The following CD93 variants were observed in gnomAD, a reference collection of about 807,000 sequenced individuals.
CD93 encodes CD93 molecule.
In CD93, 44 loss-of-function variants were observed where a neutral mutation model predicts 45.5. That is an observed-to-expected ratio of 0.97 (90% CI 0.76 to 1.24). The LOEUF (loss-of-function observed/expected upper bound fraction) is 1.24, where lower values mean the gene tolerates loss of function less well. CD93 is among the 50% of genes most tolerant of loss of function. The pLI, the probability that CD93 is intolerant of heterozygous loss-of-function variation, is 0.00. For synonymous variants in CD93, 431 were observed against 370.8 expected, an observed-to-expected ratio of 1.16 and a Z score of -1.87; for missense variants, 918 against 844.5, an observed-to-expected ratio of 1.09 and a Z score of -1.08.
rs768359147 is a variant in CD93 at position 23,082,533 on chromosome 20, C to CTGTGTGTG, written c.*1416_*1417insCACACACA. On this transcript the variant is annotated 3_prime_UTR_variant, in exon 2 of 2. Transcript: ENST00000246006. ...TGCCCCAGGCAGAATGGTGCCGTGT[C>CTGTGTGTG]TCTGTGTGTGTGTGTGTGTGTGTGT... 8 of 145,872 alleles carry CTGTGTGTG rather than the reference C, an allele frequency of 5.5e-5. No homozygotes were observed. The highest frequency in any genetic ancestry group is 1.0e-4 in the African/African-American group (4 of 38,530). 9.0% of individuals were successfully genotyped at this position (145,872 alleles called of 1,614,324 possible).
intron 1 of CD93, 105 bp from the exon 2 acceptor site, chr20:23,084,079 G>T: frequency 6.8e-7 from 1 of 1,481,008 alleles, no homozygotes. Context: ...CAGATGGGCA[G>T]TATGCTCTAA....
chr20:23,084,453 CT>C lies in CD93; in HGVS notation c.1739del (p.Lys580SerfsTer8). The C allele has an allele frequency of 6.2e-7, 1 of 1,614,218 alleles. No individual in the cohort carries two copies. The highest frequency in any genetic ancestry group is 8.5e-7 in the Non-Finnish European group (1 of 1,180,050). ...TQNNDGTDGQ[K>X]LLLFYILGTV... ...TGCCTAGGATGTAGAATAAAAGCAG[CT>C]TTTGCCCGTCAGTGCCATCGTTGTT... On this transcript the variant is annotated frameshift_variant, in exon 1 of 2. Transcript: ENST00000246006. LOFTEE classifies it high-confidence loss of function.
chr20:23,086,118 G>A lies in CD93; in HGVS notation c.75C>T (p.Asp25=). The change falls in exon 1 of 2, where the codon GAC becomes GAT. Residue 25 remains aspartate (D), a synonymous_variant. Transcript: ENST00000246006. ...TCCCCACGCAGACCACCGCCTCCGT[G>A]TCAGCTCCCGTCCCCGCCCCGGGCT... is the stretch of plus-strand genomic sequence containing the variant. ...LTQPGAGTGA[D]TEAVVCVGTA... is the part of the protein sequence containing the mutation. 6.3e-7 allele frequency: 1 copy of A among 1,587,544 alleles called. No homozygotes were observed.
Position 23,085,701 on chromosome 20 carries a change from G to A in CD93, c.492C>T (p.Pro164=). The A allele has an allele frequency of 1.9e-6, 3 of 1,611,126 alleles. No individual in the cohort carries two copies. Among genetic ancestry groups the A allele is most frequent in the Non-Finnish European group, 2.5e-6 (3 of 1,179,642 alleles). ...PSRLPKWSEG[P]CGSPGSPGSN... ...TTCCGGGGGAGCCTGGGCTCCCACA[G>A]GGGCCCTCAGACCACTTGGGGAGGC... Residue 164 remains proline (P), a synonymous_variant, in exon 1 of 2, where the codon CCC becomes CCT. Transcript: ENST00000246006.
rs1985355591 is a variant in CD93, at chr20:23,082,595, GCACACTATCGAC to G, written c.*1343_*1354del. ...AGAGAGAGAGAGAGAGAGAAAGAGTGCACACTATCGACTACATTATCATAGGGAGAAATATTT... is the reference window on the plus strand; with the variant it reads ...AGAGAGAGAGAGAGAGAGAAAGAGTGTACATTATCATAGGGAGAAATATTT... On this transcript the variant is annotated 3_prime_UTR_variant, in exon 2 of 2. Coordinates refer to ENST00000246006, the MANE Select transcript of CD93 (RefSeq NM_012072.4). 1 of 151,746 alleles carries G rather than the reference GCACACTATCGAC, an allele frequency of 6.6e-6. No homozygotes were observed. The highest frequency in any genetic ancestry group is 2.1e-4 in the South Asian group (1 of 4,814). The allele number at this position is 151,746 out of a possible 1,614,324, so 9.4% of individuals were successfully genotyped here.
In CD93 at chr20:23,085,429, G is replaced by A. The variant is rs764391041; in HGVS notation, c.764C>T (p.Pro255Leu). Reference sequence around the variant, plus strand: ...GCCATACTTGGGGCTGACACAGAGGGGGCCCGAGCTGCCCCAGTCGAACAC... The same window carrying A: ...GCCATACTTGGGGCTGACACAGAGGAGGCCCGAGCTGCCCCAGTCGAACAC... Reference protein sequence around the residue: ...PDVFDWGSSGPLCVSPKYGCN... With the variant: ...PDVFDWGSSGLLCVSPKYGCN... The change falls in exon 1 of 2, where the codon CCC becomes CTC. Residue 255 changes from proline to leucine, a missense_variant. Coordinates refer to ENST00000246006, the MANE Select transcript of CD93 (RefSeq NM_012072.4). 1 of 1,613,892 alleles carries A rather than the reference G, an allele frequency of 6.2e-7. No homozygotes were observed. The highest frequency in any genetic ancestry group is 1.7e-5 in the Admixed American group (1 of 60,030).
At position 23,085,807 on chromosome 20, in the gene CD93, T is replaced by C; in HGVS notation, c.386A>G (p.His129Arg). The C allele has an allele frequency of 1.2e-6, 2 of 1,611,524 alleles. No individual in the cohort carries two copies. The highest frequency in any genetic ancestry group is 1.1e-5 in the South Asian group (1 of 90,760). Reference sequence around the variant, plus strand: ...GATGCACGAGTTCCGGAGCTCCTTGTGCCAGTTAGAGTAAGGCGTGTCCTC... The same window carrying C: ...GATGCACGAGTTCCGGAGCTCCTTGCGCCAGTTAGAGTAAGGCGTGTCCTC... ...GGEDTPYSNWHKELRNSCISK... is the reference protein window; with the variant it reads ...GGEDTPYSNWRKELRNSCISK... Residue 129 changes from histidine to arginine, a missense_variant, in exon 1 of 2, where the codon CAC becomes CGC. By Grantham distance (29) the His-to-Arg change is conservative. Transcript: ENST00000246006.
Position 23,084,299 on chromosome 20 carries a change from GAA to G in CD93, c.1892_1893del (p.Val631AlafsTer5). ...PQNAADSYSW[V>X]PERAESRAME... is the part of the protein sequence containing the mutation. The stretch of plus-strand genomic sequence containing the variant: ...ATGGCCCTGCTCTCAGCTCGCTCTG[GAA>G]CCCAGGAGTAACTGTCTGCCGCATT... On this transcript the variant is annotated frameshift_variant, in exon 1 of 2. Coordinates refer to ENST00000246006, the MANE Select transcript of CD93 (RefSeq NM_012072.4). LOFTEE classifies it high-confidence loss of function. 6.2e-7 allele frequency: 1 copy of G among 1,614,116 alleles called. No homozygotes were observed. The highest frequency in any genetic ancestry group is 8.5e-7 in the Non-Finnish European group (1 of 1,180,034).
chr20:23,084,116 G>C (rs571236134), intron 1 of CD93, 142 bp from the exon 2 acceptor site: 3 of 1,400,756 alleles, frequency 2.1e-6, no homozygotes, highest in Non-Finnish European at 3.0e-6. Flanking sequence ...GGCGTGGGGG[G>C]AGGTTGAGGG....
At position 23,082,277 on chromosome 20, in the gene CD93, T is replaced by A. The variant is rs1985342421; in HGVS notation, c.*1673A>T. ...GCAAGAGTATTAACCCTGCACCTTG[T>A]GGCCCTTCAACCACTCCAGAGTGTC... On this transcript the variant is annotated 3_prime_UTR_variant, in exon 2 of 2. Transcript: ENST00000246006. The A allele has an allele frequency of 6.6e-6, 1 of 152,262 alleles. No individual in the cohort carries two copies. Among genetic ancestry groups the A allele is most frequent in the Admixed American group, 6.5e-5 (1 of 15,278 alleles). 9.4% of individuals were successfully genotyped at this position (152,262 alleles called of 1,614,324 possible). A position where few individuals can be genotyped will look rare whatever the true frequency, so the allele number is the denominator to read the frequency against.
rs1022515634 is a variant in CD93, at chr20:23,082,605, G to T, written c.*1345C>A. The T allele has an allele frequency of 4.0e-5, 6 of 151,710 alleles. No individual in the cohort carries two copies. The highest frequency in any genetic ancestry group is 1.5e-4 in the African/African-American group (6 of 41,190). The allele number at this position is 151,710 out of a possible 1,614,324, so 9.4% of individuals were successfully genotyped here. On this transcript the variant is annotated 3_prime_UTR_variant, in exon 2 of 2. Transcript: ENST00000246006. The stretch of plus-strand genomic sequence containing the variant: ...AGAGAGAGAAAGAGTGCACACTATC[G>T]ACTACATTATCATAGGGAGAAATAT...
rs190304833 is a variant in CD93, at chr20:23,079,479, G to A, written c.*4471C>T. 4.8e-4 allele frequency: 73 copies of A among 152,332 alleles called. No homozygotes were observed. Among genetic ancestry groups the A allele is most frequent in the Non-Finnish European group, 8.1e-4 (55 of 68,032 alleles). The allele number at this position is 152,332 out of a possible 1,614,324, so 9.4% of individuals were successfully genotyped here. A position where few individuals can be genotyped will look rare whatever the true frequency, so the allele number is the denominator to read the frequency against. ...TTGTTAGAACTCAGAGGAGAAGCTC[G>A]ATCTCTGAGCCTTCCCTCCTCACAG... On this transcript the variant is annotated 3_prime_UTR_variant, in exon 2 of 2. Transcript: ENST00000246006.
Position 23,084,832 on chromosome 20 carries a change from C to A in CD93, c.1361G>T (p.Cys454Phe), listed in dbSNP as rs1600423029. ...FNTQGSFHCG[C>F]LPGWVLAPNG... ...TGGGGCCAGCACCCAGCCTGGCAGG[C>A]AGCCACAGTGGAAGGACCCTTGTGT... Residue 454 changes from cysteine to phenylalanine, a missense_variant, in exon 1 of 2, where the codon TGC becomes TTC. By Grantham distance (205) the Cys-to-Phe change is radical. Transcript: ENST00000246006. 3.7e-6 allele frequency: 6 copies of A among 1,613,392 alleles called. No individual in the cohort carries two copies. The highest frequency in any genetic ancestry group is 5.1e-6 in the Non-Finnish European group (6 of 1,179,992).
chr20:23,083,550 C>T lies in CD93; in HGVS notation c.*400G>A, dbSNP rs988038821. On this transcript the variant is annotated 3_prime_UTR_variant, in exon 2 of 2. Coordinates refer to ENST00000246006, the MANE Select transcript of CD93 (RefSeq NM_012072.4). ...TTTCATCCTAGGAAGAGAAACAAAT[C>T]ATTTCAATCCTAATCAGCATGAGCA... 2.1e-5 allele frequency: 4 copies of T among 192,520 alleles called. No homozygotes were observed. Among genetic ancestry groups the T allele is most frequent in the African/African-American group, 7.0e-5 (3 of 43,084 alleles). The allele number at this position is 192,520 out of a possible 1,614,324, so 11.9% of individuals were successfully genotyped here.
In CD93 at chr20:23,084,294, C is replaced by T. The variant is rs41480746; in HGVS notation, c.1899G>A (p.Glu633=). 2.0e-3 allele frequency: 3,222 copies of T among 1,614,138 alleles called. 64 individuals are homozygous for T. The African/African-American group carries it at 0.038, about 19-fold the overall frequency. The change falls in exon 1 of 2, where the codon GAG becomes GAA. Residue 633 remains glutamate (E), a synonymous_variant. Coordinates refer to ENST00000246006, the MANE Select transcript of CD93 (RefSeq NM_012072.4). ...NAADSYSWVP[E]RAESRAMENQ... ...TCTCCATGGCCCTGCTCTCAGCTCG[C>T]TCTGGAACCCAGGAGTAACTGTCTG...
chr20:23,086,134 G>A lies in CD93; in HGVS notation c.59C>T (p.Ala20Val). 5.1e-6 allele frequency: 8 copies of A among 1,580,324 alleles called. No individual in the cohort carries two copies. Among genetic ancestry groups the A allele is most frequent in the Non-Finnish European group, 6.8e-6 (8 of 1,170,588 alleles). Residue 20 changes from alanine to valine, a missense_variant, in exon 1 of 2, where the codon GCG becomes GTG. Physicochemically the swap from Ala to Val is moderately conservative, Grantham distance 64 (BLOSUM62 0). Coordinates refer to ENST00000246006, the MANE Select transcript of CD93 (RefSeq NM_012072.4). Reference protein sequence around the residue: ...LLLLLLTQPGAGTGADTEAVV... With the variant: ...LLLLLLTQPGVGTGADTEAVV... ...CGCCTCCGTGTCAGCTCCCGTCCCCGCCCCGGGCTGGGTCAGGAGCAGCAG... is the reference window on the plus strand; with the variant it reads ...CGCCTCCGTGTCAGCTCCCGTCCCCACCCCGGGCTGGGTCAGGAGCAGCAG...
chr20:23,084,909 C>G lies in CD93; in HGVS notation c.1284G>C (p.Val428=), dbSNP rs982000160. The G allele has an allele frequency of 6.2e-7, 1 of 1,613,172 alleles. No homozygotes were observed. Among genetic ancestry groups the G allele is most frequent in the Non-Finnish European group, 8.5e-7 (1 of 1,179,890 alleles). ...AGEDGTQCQD[V]DECVGPGGPL... is the part of the protein sequence containing the mutation. ...GGCCCCCCGGGCCCACACACTCATC[C>G]ACGTCCTGGCACTGAGTCCCGTCCT... The change falls in exon 1 of 2, where the codon GTG becomes GTC. Residue 428 remains valine, a synonymous_variant. Coordinates refer to ENST00000246006, the MANE Select transcript of CD93 (RefSeq NM_012072.4).
At position 23,086,314 on chromosome 20, in the gene CD93, GAGA is replaced by G; in HGVS notation, c.-125_-123del. On this transcript the variant is annotated 5_prime_UTR_variant, in exon 1 of 2. Coordinates refer to ENST00000246006, the MANE Select transcript of CD93 (RefSeq NM_012072.4). ...GGTGAGCTGCAGCCACTCCGGCGCA[GAGA>G]AGGACACAAAGGCTGAGGGCTTTCC... The G allele has an allele frequency of 8.0e-7, 1 of 1,255,918 alleles. No individual in the cohort carries two copies. The highest frequency in any genetic ancestry group is 1.6e-5 in the South Asian group (1 of 63,722). 77.8% of individuals were successfully genotyped at this position (1,255,918 alleles called of 1,614,324 possible).
Position 23,081,501 on chromosome 20 carries a change from T to A in CD93, c.*2449A>T, listed in dbSNP as rs1164902009. The A allele has an allele frequency of 6.6e-6, 1 of 152,216 alleles. No individual in the cohort carries two copies. Among genetic ancestry groups the A allele is most frequent in the Non-Finnish European group, 1.5e-5 (1 of 68,054 alleles). 9.4% of individuals were successfully genotyped at this position (152,216 alleles called of 1,614,324 possible). ...ACGTGTTTGAGCCCAGTGGTTTCCA[T>A]CAGATGCACAACCTGAGCTGTCTGG... On this transcript the variant is annotated 3_prime_UTR_variant, in exon 2 of 2. Transcript: ENST00000246006.
Sources: allele counts gnomAD v4.1 joint callset, GRCh38; gene constraint gnomAD v4.1.1; transcripts MANE v1.5; gene names NCBI Gene and HGNC (gene_info 2026-07-23, HGNC 2026-07-21).